The following TGM3 variants were observed in gnomAD, a reference collection of about 807,000 sequenced individuals.
The protein encoded by TGM3 is transglutaminase 3.
TGM3 carries 52 observed loss-of-function variants against 73.8 expected under a neutral mutation model. The observed-to-expected ratio is 0.70, with a 90% CI of 0.56 to 0.89. The LOEUF (loss-of-function observed/expected upper bound fraction) is 0.89. Ranked by LOEUF, TGM3 falls within the 40% of genes least tolerant of loss-of-function variation. The pLI, the probability that TGM3 is intolerant of heterozygous loss-of-function variation, is 0.00. For missense variants in TGM3, 928 were observed against 909.9 expected, an observed-to-expected ratio of 1.02 and a Z score of -0.26; for synonymous variants, 372 against 354.9, an observed-to-expected ratio of 1.05 and a Z score of -0.54.
At chr20:2,336,157 G>A (rs2084349957) in intron 11 of TGM3, among the ~76,000 whole-genome samples, 2 of 152,198 alleles carry the variant, frequency 1.3e-5, no homozygotes, top group Non-Finnish European at 2.9e-5. Flanking sequence ...GTCTTCCTCA[G>A]CACTGGTAGG....
intron 11 of TGM3, among the ~76,000 whole-genome samples, chr20:2,336,224 C>A (rs1316375515): frequency 6.6e-6 from 1 of 151,948 alleles, no homozygotes; most frequent in African/African-American, 2.4e-5. Context: ...TGCCTGATCC[C>A]CACAGCCCAG....
chr20:2,340,657 C>T lies in TGM3; in HGVS notation c.*76C>T, dbSNP rs1319690866. On this transcript the variant is annotated 3_prime_UTR_variant, in exon 13 of 13. Coordinates refer to ENST00000381458, the MANE Select transcript of TGM3 (RefSeq NM_003245.4). ...GCTCACCATGGAATGAACCCCCCGCCCATGCTGTCCGGCCTGGGAAACCCT... is the reference window on the plus strand; with the variant it reads ...GCTCACCATGGAATGAACCCCCCGCTCATGCTGTCCGGCCTGGGAAACCCT... The T allele has an allele frequency of 5.0e-6, 8 of 1,587,374 alleles. No homozygotes were observed. The East Asian group carries it at 1.6e-4, about 32-fold the overall frequency.
At position 2,299,978 on chromosome 20, in the gene TGM3, C is replaced by G. The variant is rs2084134226; in HGVS notation, c.7+3908C>G. 1.3e-5 allele frequency among the ~76,000 whole-genome samples: 2 copies of G among 151,952 alleles called. 1 individual carries two copies. Among genetic ancestry groups the G allele is most frequent in the South Asian group, 4.2e-4 (2 of 4,812 alleles). The stretch of plus-strand genomic sequence containing the variant: ...GGACATGCTGGCACGCACTTGTAGT[C>G]CCAGCTACTTGGGAGGCTGAGGTTA... On this transcript the variant is annotated intron_variant, in intron 1 of 12. Coordinates refer to ENST00000381458, the MANE Select transcript of TGM3 (RefSeq NM_003245.4).
chr20:2,297,743 G>A (rs2084118636), intron 1 of TGM3, among the ~76,000 whole-genome samples: 1 of 152,180 alleles, frequency 6.6e-6, no homozygotes, highest in African/African-American at 2.4e-5. Flanking sequence ...ACTCAGCCAG[G>A]AAGTTCCCAA....
chr20:2,311,687 C>G (rs148318255), intron 4 of TGM3, among the ~76,000 whole-genome samples: 8 of 152,108 alleles, frequency 5.3e-5, no homozygotes. Context: ...GCACCTCGGG[C>G]GGGGTGCCTT....
intron 1 of TGM3, 21 bp from the exon 2 acceptor site, chr20:2,309,636 G>T (rs765822996): frequency 1.9e-6 from 3 of 1,612,344 alleles, no homozygotes; most frequent in Non-Finnish European, 2.5e-6. Flanking sequence ...AGGACTTCAG[G>T]TTCTCCTTTC....
intron 9 of TGM3, among the ~76,000 whole-genome samples, 183 bp from the exon 10 acceptor site, chr20:2,331,819 G>A (rs1459836986): frequency 6.6e-6 from 1 of 152,196 alleles, no homozygotes; most frequent in Non-Finnish European, 1.5e-5. Context: ...AAGCGCCAGA[G>A]ACCAACTGGT....
At chr20:2,312,167 A>G (rs1170092328) in intron 4 of TGM3, among the ~76,000 whole-genome samples, 1 of 152,126 alleles carries the variant, frequency 6.6e-6, no homozygotes, top group Non-Finnish European at 1.5e-5. Flanking sequence ...TGGGAGGCTG[A>G]GGCGGGTGGA....
chr20:2,313,077 C>G, intron 5 of TGM3, 51 bp downstream of exon 5: 1 of 1,609,970 alleles, frequency 6.2e-7, no homozygotes, highest in Middle Eastern at 1.7e-4. Context: ...TATTGAACAC[C>G]ACCTATGAGC....
At chr20:2,324,894 A>C (rs1175791027) in intron 7 of TGM3, among the ~76,000 whole-genome samples, 1 of 151,950 alleles carries the variant, frequency 6.6e-6, no homozygotes, top group East Asian at 1.9e-4. Context: ...TTTTTTCCCC[A>C]CAGTTTATCA....
At chr20:2,313,682 C>T (rs214808) in intron 5 of TGM3, among the ~76,000 whole-genome samples, 16,620 of 152,196 alleles carry the variant, frequency 0.11, 982 homozygotes, top group African/African-American at 0.14. Context: ...CACACACACA[C>T]GAGCTAGATC....
intron 1 of TGM3, among the ~76,000 whole-genome samples, chr20:2,301,491 G>T (rs1207269258): frequency 6.7e-6 from 1 of 149,022 alleles, no homozygotes; most frequent in Non-Finnish European, 1.5e-5. Flanking sequence ...TCCATTAGCA[G>T]GTTGTGAAAT....
At chr20:2,322,057 C>G (rs2084265501) in intron 7 of TGM3, among the ~76,000 whole-genome samples, 1 of 151,988 alleles carries the variant, frequency 6.6e-6, no homozygotes, top group African/African-American at 2.4e-5. Flanking sequence ...TTGCTCCTCT[C>G]ACCCACCTGG....
rs550562245 is a variant in TGM3 at position 2,304,661 on chromosome 20, T to C, written c.8-4996T>C. On this transcript the variant is annotated intron_variant, in intron 1 of 12. Coordinates refer to ENST00000381458, the MANE Select transcript of TGM3 (RefSeq NM_003245.4). ...AACACCATTTTTTCTTCCAGACTAC[T>C]CTTAATACTTCTTAACCGCCAAATG... Among the ~76,000 whole-genome samples the C allele has an allele frequency of 5.3e-5, 8 of 152,306 alleles. No homozygotes were observed. In the South Asian group the frequency reaches 1.2e-3, roughly 24 times the overall value.
chr20:2,312,084 A>G lies in TGM3; in HGVS notation c.541-814A>G, dbSNP rs150439587. Among the ~76,000 whole-genome samples the G allele has an allele frequency of 3.1e-4, 47 of 152,308 alleles. No homozygotes were observed. The East Asian group carries it at 7.3e-3, about 24-fold the overall frequency. ...ATTTTATTTTTATAACTAGTTCTCCAGGAGTCTCAATAACGTGCTCAAGAT... is the reference window on the plus strand; with the variant it reads ...ATTTTATTTTTATAACTAGTTCTCCGGGAGTCTCAATAACGTGCTCAAGAT... On this transcript the variant is annotated intron_variant, in intron 4 of 12. Transcript: ENST00000381458.
At chr20:2,319,689 T>C (rs2084253156) in intron 7 of TGM3, among the ~76,000 whole-genome samples, 1 of 152,156 alleles carries the variant, frequency 6.6e-6, no homozygotes. Context: ...CTGAGGATCT[T>C]GTCACCCCTC....
rs771723670 is a variant in TGM3, at chr20:2,317,139, A to C, written c.741A>C (p.Pro247=). 3 of 1,614,062 alleles carry C rather than the reference A, an allele frequency of 1.9e-6. No individual in the cohort carries two copies. Among genetic ancestry groups the C allele is most frequent in the Non-Finnish European group, 2.5e-6 (3 of 1,180,016 alleles). The change falls in exon 6 of 13, where the codon CCA becomes CCC. Residue 247 remains proline, a synonymous_variant. Transcript: ENST00000381458. ...WSGTYTGGRD[P]RSWNGSVEIL... The stretch of plus-strand genomic sequence containing the variant: ...GCACTTACACCGGTGGCCGGGACCC[A>C]AGGAGCTGGAACGGCAGCGTGGAGA...
At chr20:2,305,658 C>T (rs2084173012) in intron 1 of TGM3, among the ~76,000 whole-genome samples, 1 of 152,208 alleles carries the variant, frequency 6.6e-6, no homozygotes, top group Non-Finnish European at 1.5e-5. Context: ...CACAGCCACC[C>T]TAACAGGGAG....
At chr20:2,309,934 C>T (rs2084194394) in intron 2 of TGM3, 104 bp downstream of exon 2, 13 of 1,497,498 alleles carry the variant, frequency 8.7e-6, no homozygotes, top group Non-Finnish European at 1.2e-5. Flanking sequence ...GCATTGGGTT[C>T]TAGCCTTGCT....
Sources: allele counts gnomAD v4.1 joint callset (sites outside exome capture counted in the v4.1 genomes callset), GRCh38; gene constraint gnomAD v4.1.1; transcripts MANE v1.5; gene names NCBI Gene and HGNC (gene_info 2026-07-23, HGNC 2026-07-21).